Variants in PRDM5 observed in about 807,000 individuals in gnomAD.
PRDM5 encodes the protein PR domain zinc finger protein 5.
In PRDM5, 56 loss-of-function variants were observed where a neutral mutation model predicts 81.2. That is an observed-to-expected ratio of 0.69 (90% confidence interval 0.56 to 0.86). The LOEUF is 0.86. Among genes scored for constraint, PRDM5 ranks in the 40% least tolerant of loss-of-function variants. The pLI is 0.00. For synonymous variants in PRDM5, 267 were observed against 256.4 expected (o/e 1.04, Z -0.39); for missense variants, 697 against 770.1 (o/e 0.91, Z 1.12).
At chr4:120,777,781 C>A (rs1228115722) in intron 12 of PRDM5, among the ~76,000 whole-genome samples, 2 of 152,076 alleles carry the variant, frequency 1.3e-5, no homozygotes, top group East Asian at 1.9e-4. Context: ...CTGATTTGAC[C>A]TTTAAAATCA....
chr4:120,782,446 A>AAAGG (rs911096619), intron 11 of PRDM5, among the ~76,000 whole-genome samples: 4 of 152,112 alleles, frequency 2.6e-5, no homozygotes, highest in Admixed American at 2.0e-4. Context: ...AGGAAGGAAG[A>AAAGG]AAGGAAGGAA....
At chr4:120,719,508 C>T (rs1738278320) in intron 14 of PRDM5, among the ~76,000 whole-genome samples, 1 of 152,126 alleles carries the variant, frequency 6.6e-6, no homozygotes, top group African/African-American at 2.4e-5. Context: ...TTTTGAAAAG[C>T]ACTGGTCTAG....
chr4:120,712,147 A>G (rs995055969), intron 14 of PRDM5, among the ~76,000 whole-genome samples: 6 of 152,010 alleles, frequency 3.9e-5, no homozygotes, highest in Non-Finnish European at 7.4e-5. Context: ...TTAGCTGGGC[A>G]TGGTGGCGGG....
At chr4:120,846,979 C>T (rs2149404781) in intron 3 of PRDM5, among the ~76,000 whole-genome samples, 1 of 152,140 alleles carries the variant, frequency 6.6e-6, no homozygotes, top group East Asian at 1.9e-4. Flanking sequence ...AGTTCATGCT[C>T]TTTCTACTGC....
chr4:120,805,407 A>T (rs1287514587), intron 8 of PRDM5, among the ~76,000 whole-genome samples: 1 of 152,210 alleles, frequency 6.6e-6, no homozygotes, highest in Non-Finnish European at 1.5e-5. Flanking sequence ...AAAAAAGAGA[A>T]TTTTGGACCA....
Position 120,867,174 on chromosome 4 carries a change from C to G in PRDM5, c.178-13634G>C, listed in dbSNP as rs376695423. Among the ~76,000 whole-genome samples, 4 of 152,206 alleles carry G rather than the reference C, an allele frequency of 2.6e-5. No homozygotes were observed. In the East Asian group the frequency reaches 7.7e-4, roughly 29 times the overall value. On this transcript the variant is annotated intron_variant, in intron 2 of 15. Coordinates refer to ENST00000264808, the MANE Select transcript of PRDM5 (RefSeq NM_018699.4). ...GATCCTCAAAGCCTCCTAATAAGAA[C>G]CCAGCCCTGCCACTACCTTGATCTG...
At chr4:120,823,303 GCT>G (rs1444711552) in intron 3 of PRDM5, among the ~76,000 whole-genome samples, 1 of 152,034 alleles carries the variant, frequency 6.6e-6, no homozygotes, top group Non-Finnish European at 1.5e-5. Context: ...CTGTTTAGAG[GCT>G]CTGTAATAAA....
chr4:120,701,232 T>C (rs533276371), intron 15 of PRDM5, among the ~76,000 whole-genome samples: 3 of 146,170 alleles, frequency 2.1e-5, no homozygotes, highest in African/African-American at 7.4e-5. Flanking sequence ...TTGGAGGGAA[T>C]GTAAATTAGT....
intron 10 of PRDM5, among the ~76,000 whole-genome samples, chr4:120,790,932 G>A (rs1284470680): frequency 2.0e-5 from 3 of 151,912 alleles, no homozygotes; most frequent in Non-Finnish European, 4.4e-5. Context: ...GATAGAGCAA[G>A]ACCTTGTCAA....
At chr4:120,885,021 G>A (rs1195375240) in intron 2 of PRDM5, among the ~76,000 whole-genome samples, 3 of 150,762 alleles carry the variant, frequency 2.0e-5, no homozygotes, top group Non-Finnish European at 4.4e-5. Flanking sequence ...ACGATGGTGG[G>A]CTACTCGAGA....
At chr4:120,891,962 T>A (rs1764097498) in intron 2 of PRDM5, among the ~76,000 whole-genome samples, 1 of 152,198 alleles carries the variant, frequency 6.6e-6, no homozygotes, top group Non-Finnish European at 1.5e-5. Context: ...TAAAGTTCAC[T>A]CTTAACACTG....
At chr4:120,893,207 A>G (rs1011987696) in intron 2 of PRDM5, among the ~76,000 whole-genome samples, 3 of 152,184 alleles carry the variant, frequency 2.0e-5, no homozygotes, top group African/African-American at 7.2e-5. Flanking sequence ...GTCCCTATGG[A>G]AAGTGTGAAT....
At chr4:120,782,813 CT>C (rs1553966138) in intron 11 of PRDM5, among the ~76,000 whole-genome samples, 1 of 152,004 alleles carries the variant, frequency 6.6e-6, no homozygotes, top group Non-Finnish European at 1.5e-5. Context: ...TGAAAGAGAT[CT>C]TTTTAAAAAA....
Position 120,799,647 on chromosome 4 carries a change from A to G in PRDM5, c.1030+14T>C. 3.1e-6 allele frequency: 5 copies of G among 1,610,846 alleles called. No homozygotes were observed. Among genetic ancestry groups the G allele is most frequent in the East Asian group, 4.5e-5 (2 of 44,782 alleles). ...TAATGATATCACTATAAACAAAAAAAGTATATAGTTTACCTGAGTGGGTGA... is the reference window on the plus strand; with the variant it reads ...TAATGATATCACTATAAACAAAAAAGGTATATAGTTTACCTGAGTGGGTGA... On this transcript the variant is annotated intron_variant, in intron 9 of 15. Transcript: ENST00000264808.
intron 13 of PRDM5, among the ~76,000 whole-genome samples, chr4:120,776,436 C>T (rs72921534): frequency 0.21 from 31,633 of 152,058 alleles, 3,788 homozygotes; most frequent in Non-Finnish European, 0.28. Flanking sequence ...TCATATACTA[C>T]GGCCCTTGAA....
At chr4:120,840,660 C>T (rs78441395) in intron 3 of PRDM5, among the ~76,000 whole-genome samples, 5,801 of 152,246 alleles carry the variant, frequency 0.038, 367 homozygotes, top group African/African-American at 0.13. Flanking sequence ...GGGCCCCTCT[C>T]TGCCCAACCT....
intron 14 of PRDM5, among the ~76,000 whole-genome samples, chr4:120,752,601 T>A (rs1194281770): frequency 6.6e-6 from 1 of 152,222 alleles, no homozygotes; most frequent in Non-Finnish European, 1.5e-5. Flanking sequence ...ATGGGACTTT[T>A]AAATTTGGGG....
chr4:120,743,240 G>C (rs1307213606), intron 14 of PRDM5, among the ~76,000 whole-genome samples: 1 of 151,366 alleles, frequency 6.6e-6, no homozygotes, highest in Non-Finnish European at 1.5e-5. Flanking sequence ...GAGAGATTTT[G>C]TCACCACTAG....
At chr4:120,742,727 GA>G (rs1353944533) in intron 14 of PRDM5, among the ~76,000 whole-genome samples, 1 of 152,056 alleles carries the variant, frequency 6.6e-6, no homozygotes, top group Non-Finnish European at 1.5e-5. Context: ...AAAGTTTAGA[GA>G]AAAAAGAATA....
Sources: gnomAD v4.1 joint callset for allele counts (sites outside exome capture counted in the v4.1 genomes callset) on GRCh38, gnomAD v4.1.1 for gene constraint, MANE v1.5 for transcripts, NCBI Gene and HGNC (gene_info 2026-07-23, HGNC 2026-07-21) for gene names.